Variants in MECOM observed in about 807,000 individuals in gnomAD.
The protein encoded by MECOM is MDS1 and EVI1 complex locus.
A neutral mutation model predicts 116.3 loss-of-function variants in MECOM; 13 were observed. The observed-to-expected ratio is 0.11, with a 90% CI of 0.07 to 0.18. The LOEUF is 0.18. MECOM is among the 10% of genes least tolerant of loss of function. The pLI is 1.00. For synonymous variants in MECOM, 528 were observed against 535.2 expected (o/e 0.99, Z 0.19); for missense variants, 1,299 against 1,509.0 (o/e 0.86, Z 2.31).
At chr3:169,656,940 T>C (rs1254446703) in intron 1 of MECOM, among the ~76,000 whole-genome samples, 3 of 152,254 alleles carry the variant, frequency 2.0e-5, no homozygotes, top group Admixed American at 6.5e-5. Context: ...GCTGAATAAT[T>C]AGTAAAACCA....
chr3:169,141,211 G>A lies in MECOM; in HGVS notation c.510+2487C>T, dbSNP rs542207591. On this transcript the variant is annotated intron_variant, in intron 3 of 16. Coordinates refer to ENST00000651503, the MANE Select transcript of MECOM (RefSeq NM_004991.4). ...AATTGAAAACTTCATCTCAAATTCCGTTTTTTTAGAGTCCAGGATTTATAC... is the reference window on the plus strand; with the variant it reads ...AATTGAAAACTTCATCTCAAATTCCATTTTTTTAGAGTCCAGGATTTATAC... Among the ~76,000 whole-genome samples, 12 of 151,936 alleles carry A rather than the reference G, an allele frequency of 7.9e-5. No individual in the cohort carries two copies. In the South Asian group the frequency reaches 1.2e-3, roughly 16 times the overall value.
At chr3:169,149,246 G>T (rs1215057808) in intron 2 of MECOM, among the ~76,000 whole-genome samples, 1 of 152,116 alleles carries the variant, frequency 6.6e-6, no homozygotes. Context: ...TGATCAGGGG[G>T]TCTGGGAGCT....
At chr3:169,583,367 G>A (rs765698863) in intron 1 of MECOM, among the ~76,000 whole-genome samples, 9 of 152,044 alleles carry the variant, frequency 5.9e-5, no homozygotes, top group East Asian at 1.9e-4. Flanking sequence ...TAAACTAACC[G>A]CATTGCATCT....
intron 2 of MECOM, among the ~76,000 whole-genome samples, chr3:169,163,564 C>A (rs1482269047): frequency 6.6e-6 from 1 of 152,108 alleles, no homozygotes; most frequent in Non-Finnish European, 1.5e-5. Context: ...TGATTATTAT[C>A]CTTGTTTTAC....
chr3:169,370,738 T>A (rs918647379), intron 2 of MECOM, among the ~76,000 whole-genome samples: 3 of 151,960 alleles, frequency 2.0e-5, no homozygotes, highest in Admixed American at 6.6e-5. Flanking sequence ...CCTGAATAGA[T>A]GTTTTTTCAA....
intron 2 of MECOM, among the ~76,000 whole-genome samples, chr3:169,327,639 C>CAAAAAAAAAA (rs771134017): frequency 1.7e-4 from 12 of 69,442 alleles, no homozygotes; most frequent in East Asian, 1.0e-3. Context: ...GACTGTGTCT[C>CAAAAAAAAAA]AAAAAAAAAA....
chr3:169,341,444 A>C (rs1182242901), intron 2 of MECOM, among the ~76,000 whole-genome samples: 2 of 151,352 alleles, frequency 1.3e-5, no homozygotes, highest in African/African-American at 2.4e-5. Context: ...AAAAAAAAAA[A>C]AAAAAACACA....
chr3:169,146,103 C>G (rs1216053171), intron 2 of MECOM: 4 of 380,728 alleles, frequency 1.1e-5, no homozygotes, highest in Non-Finnish European at 1.6e-5. Context: ...ATATAACACA[C>G]TCCTGTGTTT....
chr3:169,233,994 T>C (rs1368614845), intron 2 of MECOM, among the ~76,000 whole-genome samples: 5 of 152,174 alleles, frequency 3.3e-5, no homozygotes, highest in African/African-American at 9.7e-5. Context: ...ACATAGTAGA[T>C]ACGGTTACAA....
At chr3:169,219,386 A>C (rs1751822792) in intron 2 of MECOM, among the ~76,000 whole-genome samples, 1 of 152,154 alleles carries the variant, frequency 6.6e-6, no homozygotes, top group Non-Finnish European at 1.5e-5. Flanking sequence ...GGGCGCCTGT[A>C]GTCCCAGGTA....
intron 2 of MECOM, among the ~76,000 whole-genome samples, chr3:169,375,215 A>C (rs1362212156): frequency 1.3e-5 from 2 of 152,132 alleles, no homozygotes; most frequent in African/African-American, 4.8e-5. Context: ...CCCGCAGAAG[A>C]AAGTGGGAAA....
In MECOM at chr3:169,507,650, C is replaced by CTTTTTTTTTTTTTTTTTTTTTTTTT. The variant is rs1165167849; in HGVS notation, c.38-126151_38-126127dup. The stretch of plus-strand genomic sequence containing the variant: ...CAATTTTGGTTTAAATCCCCACTTG[C>CTTTTTTTTTTTTTTTTTTTTTTTTT]TTTTTTTTTTTTTTTTTTTTTTTTT... On this transcript the variant is annotated intron_variant, in intron 1 of 16. Transcript: ENST00000651503. 6.0e-4 allele frequency among the ~76,000 whole-genome samples: 34 copies of CTTTTTTTTTTTTTTTTTTTTTTTTT among 57,142 alleles called. 12 individuals carry two copies. The highest frequency in any genetic ancestry group is 1.5e-3 in the African/African-American group (18 of 12,234). 37.5% of individuals were successfully genotyped at this position (57,142 alleles called of 152,430 possible). A position where few individuals can be genotyped will look rare whatever the true frequency, so the allele number is the denominator to read the frequency against.
chr3:169,352,993 T>C (rs1313216745), intron 2 of MECOM, among the ~76,000 whole-genome samples: 1 of 151,946 alleles, frequency 6.6e-6, no homozygotes, highest in Non-Finnish European at 1.5e-5. Context: ...CTGATGTGAC[T>C]TAGAGCCTCT....
intron 1 of MECOM, among the ~76,000 whole-genome samples, chr3:169,537,620 G>C (rs376916063): frequency 2.0e-5 from 3 of 151,722 alleles, no homozygotes; most frequent in African/African-American, 7.3e-5. Flanking sequence ...CAATTTTAAC[G>C]GTCATCCCCT....
intron 2 of MECOM, among the ~76,000 whole-genome samples, chr3:169,323,799 G>A (rs1388460442): frequency 3.9e-5 from 6 of 152,118 alleles, no homozygotes; most frequent in African/African-American, 7.2e-5. Flanking sequence ...ATGGTTATTC[G>A]CCAAATAATC....
At chr3:169,357,326 T>C (rs1029724711) in intron 2 of MECOM, among the ~76,000 whole-genome samples, 5 of 151,774 alleles carry the variant, frequency 3.3e-5, no homozygotes, top group Admixed American at 3.3e-4. Context: ...AAGGGTCAAA[T>C]ATAAGTAGAT....
intron 2 of MECOM, among the ~76,000 whole-genome samples, chr3:169,183,642 A>G (rs1559963120): frequency 6.6e-6 from 1 of 152,014 alleles, no homozygotes; most frequent in Non-Finnish European, 1.5e-5. Flanking sequence ...GCACTAAGCT[A>G]TAAGCTGGGG....
intron 2 of MECOM, among the ~76,000 whole-genome samples, chr3:169,244,111 C>A (rs1049936145): frequency 6.6e-6 from 1 of 152,162 alleles, no homozygotes; most frequent in African/African-American, 2.4e-5. Flanking sequence ...AGAAATGTGC[C>A]CCTCCACAAC....
chr3:169,566,207 T>C (rs939967868), intron 1 of MECOM, among the ~76,000 whole-genome samples: 1 of 152,008 alleles, frequency 6.6e-6, no homozygotes, highest in African/African-American at 2.4e-5. Flanking sequence ...CAAGTAGGGA[T>C]TACAATTTGA....
Sources: gnomAD v4.1 joint callset for allele counts (sites outside exome capture counted in the v4.1 genomes callset) on GRCh38, gnomAD v4.1.1 for gene constraint, MANE v1.5 for transcripts, NCBI Gene and HGNC (gene_info 2026-07-23, HGNC 2026-07-21) for gene names.